MBNL1: variants seen among roughly 807,000 people sequenced by gnomAD.
The protein encoded by MBNL1 is muscleblind like splicing regulator 1.
Under a neutral mutation model 42.2 loss-of-function variants are expected in MBNL1, and 8 were observed. The ratio of observed to expected loss-of-function variants is 0.19; its 90% CI spans 0.11 to 0.34. The LOEUF (loss-of-function observed/expected upper bound fraction) is 0.34. MBNL1 is among the 10% of genes least tolerant of loss of function. The pLI, the probability that MBNL1 is intolerant of heterozygous loss-of-function variation, is 1.00. For missense variants in MBNL1, 309 were observed against 495.3 expected, an observed-to-expected ratio of 0.62 and a Z score of 3.57; for synonymous variants, 169 against 173.9, an observed-to-expected ratio of 0.97 and a Z score of 0.22.
rs898048712 is a variant in MBNL1 at position 152,465,329 on chromosome 3, A to G, written c.*2963A>G. 2 of 152,434 alleles carry G rather than the reference A, an allele frequency of 1.3e-5. No individual in the cohort carries two copies. Among genetic ancestry groups the G allele is most frequent in the Non-Finnish European group, 2.9e-5 (2 of 68,028 alleles). The allele number at this position is 152,434 out of a possible 1,614,324, so 9.4% of individuals were successfully genotyped here. Reference sequence around the variant, plus strand: ...TATTGACTTTCACAAAATTTAAATCATAAACAGGCAAACCAAACAGCACAC... The same window carrying G: ...TATTGACTTTCACAAAATTTAAATCGTAAACAGGCAAACCAAACAGCACAC... On this transcript the variant is annotated 3_prime_UTR_variant, in exon 10 of 10. Coordinates refer to ENST00000324210, the MANE Select transcript of MBNL1 (RefSeq NM_021038.5).
chr3:152,283,068 A>G (rs2049415757), intron 1 of MBNL1, among the ~76,000 whole-genome samples: 1 of 152,196 alleles, frequency 6.6e-6, no homozygotes, highest in Non-Finnish European at 1.5e-5. Context: ...GCACAGATTC[A>G]CATGGAAGGT....
intron 9 of MBNL1, among the ~76,000 whole-genome samples, chr3:152,461,340 C>T (rs962997858): frequency 6.6e-6 from 1 of 152,166 alleles, no homozygotes; most frequent in African/African-American, 2.4e-5. Flanking sequence ...TAAAAAGGTT[C>T]AGATTCTGAA....
chr3:152,353,205 A>C (rs1233446396), intron 2 of MBNL1, among the ~76,000 whole-genome samples: 2 of 152,124 alleles, frequency 1.3e-5, no homozygotes. Context: ...TCAATGGTGT[A>C]CTCTTTCATC....
chr3:152,400,475 C>A (rs533974095), intron 2 of MBNL1, among the ~76,000 whole-genome samples: 1 of 152,192 alleles, frequency 6.6e-6, no homozygotes, highest in African/African-American at 2.4e-5. Flanking sequence ...ATCTAATTTG[C>A]TATAAATAAC....
At chr3:152,281,651 T>C (rs1349653324) in intron 1 of MBNL1, among the ~76,000 whole-genome samples, 1 of 152,168 alleles carries the variant, frequency 6.6e-6, no homozygotes, top group Non-Finnish European at 1.5e-5. Flanking sequence ...TGATGTCGCT[T>C]CTGAGTGACA....
chr3:152,407,209 CTTTTT>C (rs60509782), intron 2 of MBNL1, among the ~76,000 whole-genome samples: 42 of 54,360 alleles, frequency 7.7e-4, no homozygotes, highest in East Asian at 3.4e-3. Flanking sequence ...GAAATATGTT[CTTTTT>C]TTTTTTTTTT....
At chr3:152,308,107 G>A (rs745653764) in intron 2 of MBNL1, among the ~76,000 whole-genome samples, 35 of 152,196 alleles carry the variant, frequency 2.3e-4, no homozygotes, top group Non-Finnish European at 3.7e-4. Context: ...TTCCACAGAA[G>A]CAAGGTGATT....
chr3:152,322,072 T>A (rs899105572), intron 2 of MBNL1, among the ~76,000 whole-genome samples: 6 of 151,580 alleles, frequency 4.0e-5, no homozygotes, highest in Non-Finnish European at 7.4e-5. Context: ...AGAGTTTTTT[T>A]AACCATATTT....
intron 2 of MBNL1, among the ~76,000 whole-genome samples, chr3:152,407,562 G>A (rs2098463272): frequency 6.6e-6 from 1 of 152,068 alleles, no homozygotes; most frequent in East Asian, 1.9e-4. Context: ...TTTAAAGATG[G>A]TAAAACTATG....
intron 2 of MBNL1, among the ~76,000 whole-genome samples, chr3:152,369,301 A>T (rs917165014): frequency 6.6e-6 from 1 of 152,060 alleles, no homozygotes; most frequent in Non-Finnish European, 1.5e-5. Flanking sequence ...TGTTTATGTG[A>T]TGGATTACGT....
At chr3:152,388,991 T>G (rs1160354000) in intron 2 of MBNL1, among the ~76,000 whole-genome samples, 2 of 152,248 alleles carry the variant, frequency 1.3e-5, no homozygotes, top group African/African-American at 4.8e-5. Flanking sequence ...CTTTTCTGGT[T>G]TAGAGCCTAA....
At chr3:152,382,477 T>C (rs2097218679) in intron 2 of MBNL1, among the ~76,000 whole-genome samples, 1 of 152,208 alleles carries the variant, frequency 6.6e-6, no homozygotes, top group Admixed American at 6.6e-5. Flanking sequence ...GCCCCTTCCC[T>C]AAAGCTTCAA....
intron 5 of MBNL1, among the ~76,000 whole-genome samples, chr3:152,447,172 G>C (rs568004274): frequency 6.6e-6 from 1 of 151,504 alleles, no homozygotes; most frequent in East Asian, 1.9e-4. Context: ...TGCATGTCTA[G>C]GTAGATCTGG....
chr3:152,353,968 A>C (rs1268415484), intron 2 of MBNL1, among the ~76,000 whole-genome samples: 4 of 152,180 alleles, frequency 2.6e-5, no homozygotes, highest in Non-Finnish European at 5.9e-5. Flanking sequence ...TAAGTGAAAG[A>C]GGTAATTTGG....
Position 152,432,812 on chromosome 3 carries a change from A to G in MBNL1, c.441A>G (p.Ala147=). The G allele has an allele frequency of 6.2e-7, 1 of 1,614,208 alleles. No homozygotes were observed. The highest frequency in any genetic ancestry group is 2.2e-5 in the East Asian group (1 of 44,884). ...LGPVSPSLVP[A]EILPTAPMLV... ...CTGTTTCTCCAAGCCTGGTCCCGGC[A>G]GAGATCTTGCCGACTGCACCAATGT... Residue 147 remains alanine (A), a synonymous_variant, in exon 4 of 10, where the codon GCA becomes GCG. Coordinates refer to ENST00000324210, the MANE Select transcript of MBNL1 (RefSeq NM_021038.5).
chr3:152,399,909 G>A (rs1560446274), intron 2 of MBNL1, among the ~76,000 whole-genome samples: 2 of 152,122 alleles, frequency 1.3e-5, no homozygotes, highest in Admixed American at 1.3e-4. Flanking sequence ...AAACAAGCAG[G>A]AATGACAAAG....
intron 2 of MBNL1, among the ~76,000 whole-genome samples, chr3:152,407,073 T>TGTGTGTG (rs57861310): frequency 0.024 from 3,595 of 148,942 alleles, 120 homozygotes; most frequent in African/African-American, 0.073. Flanking sequence ...GTGTGTGTGT[T>TGTGTGTG]TGTGTGAACT....
chr3:152,300,028 G>C lies in MBNL1; in HGVS notation c.-166G>C, dbSNP rs1477004509. 4 of 527,760 alleles carry C rather than the reference G, an allele frequency of 7.6e-6. No individual in the cohort carries two copies. Among genetic ancestry groups the C allele is most frequent in the African/African-American group, 2.0e-5 (1 of 51,164 alleles). The allele number at this position is 527,760 out of a possible 1,614,324, so 32.7% of individuals were successfully genotyped here. A position where few individuals can be genotyped will look rare whatever the true frequency, so the allele number is the denominator to read the frequency against. The stretch of plus-strand genomic sequence containing the variant: ...AGTGGGAGATCTTTTCCTTGATATT[G>C]ACGACACAATTTTCCATGTACTTTT... On this transcript the variant is annotated 5_prime_UTR_variant, in exon 2 of 10. Transcript: ENST00000324210.
chr3:152,443,509 A>ACACACACACAC (rs1560616953), intron 4 of MBNL1, among the ~76,000 whole-genome samples: 12 of 38,002 alleles, frequency 3.2e-4, no homozygotes, highest in African/African-American at 1.2e-3. Context: ...CACACACACA[A>ACACACACACAC]CTTTTTATCA....
Sources: gnomAD v4.1 joint callset for allele counts (sites outside exome capture counted in the v4.1 genomes callset) on GRCh38, gnomAD v4.1.1 for gene constraint, MANE v1.5 for transcripts, NCBI Gene and HGNC (gene_info 2026-07-23, HGNC 2026-07-21) for gene names.